The following HES6 variants were observed in gnomAD, a reference collection of about 807,000 sequenced individuals.
The protein encoded by HES6 is hes family bHLH transcription factor 6.
In HES6, 24 loss-of-function variants were observed where a neutral mutation model predicts 16.4. The ratio of observed to expected loss-of-function variants is 1.46; its 90% CI spans 1.06 to 2.06. The LOEUF is 2.06. Ranked by LOEUF, HES6 falls within the 30% of genes most tolerant of loss-of-function variation. The pLI, the probability that HES6 is intolerant of heterozygous loss-of-function variation, is 0.00. For missense variants in HES6, 355 were observed against 317.6 expected (o/e 1.12, Z -0.90); for synonymous variants, 159 against 144.3 (o/e 1.10, Z -0.73).
Position 238,240,022 on chromosome 2 carries a change from C to T in HES6, c.-117G>A. The T allele has an allele frequency of 6.0e-6, 3 of 497,940 alleles. No homozygotes were observed. The highest frequency in any genetic ancestry group is 1.9e-4 in the South Asian group (2 of 10,474). The allele number at this position is 497,940 out of a possible 1,614,324, so 30.8% of individuals were successfully genotyped here. A position where few individuals can be genotyped will look rare whatever the true frequency, so the allele number is the denominator to read the frequency against. On this transcript the variant is annotated 5_prime_UTR_variant, in exon 1 of 4. Transcript: ENST00000272937. ...GCCGCCCAGCAGCAGCCCAGCCGTC[C>T]GCGCTCCTCGCGGCTTCCGGCCCGC...
Position 238,239,133 on chromosome 2 carries a change from G to T in HES6, c.369C>A (p.Ala123=), listed in dbSNP as rs768048516. Residue 123 remains alanine (A), a synonymous_variant, in exon 4 of 4, where the codon GCC becomes GCA. Coordinates refer to ENST00000272937, the MANE Select transcript of HES6 (RefSeq NM_018645.6). The part of the protein sequence containing the change: ...TCQAIDATVA[A]ELLNHLLESM... ...ACTCGAGCAGATGGTTCAGGAGCTC[G>T]GCAGCGACGGTAGCGTCGATGGCCT... The T allele has an allele frequency of 3.1e-6, 5 of 1,612,498 alleles. No individual in the cohort carries two copies. The highest frequency in any genetic ancestry group is 4.2e-6 in the Non-Finnish European group (5 of 1,179,928).
In HES6 at chr2:238,239,604, G is replaced by A. The variant is rs756353891; in HGVS notation, c.169-36C>T. 8.6e-4 allele frequency: 1,007 copies of A among 1,171,044 alleles called. 10 individuals carry two copies. The African/African-American group carries it at 0.015, about 17-fold the overall frequency. 72.5% of individuals were successfully genotyped at this position (1,171,044 alleles called of 1,614,324 possible). On this transcript the variant is annotated intron_variant, in intron 2 of 3. Coordinates refer to ENST00000272937, the MANE Select transcript of HES6 (RefSeq NM_018645.6). ...GGGAAGGGCGGTGAGCCGGCAGCGC[G>A]CTCCCGGACCCGCCCGCCCGCCCCG...
chr2:238,238,957 C>G lies in HES6; in HGVS notation c.545G>C (p.Cys182Ser). ...PSPPGPGDDL[C>S]SDLEEAPEAE... ...CTCAGGGGCCTCCTCCAGGTCGGAG[C>G]ACAGGTCGTCCCCAGGACCCGGGGG... Residue 182 changes from cysteine to serine, a missense_variant, in exon 4 of 4, where the codon TGC (cysteine) becomes TCC (serine). Physicochemically the swap from Cys to Ser is moderately radical, Grantham distance 112. Coordinates refer to ENST00000272937, the MANE Select transcript of HES6 (RefSeq NM_018645.6). The G allele has an allele frequency of 6.2e-7, 1 of 1,602,198 alleles. No individual in the cohort carries two copies. The highest frequency in any genetic ancestry group is 2.3e-5 in the East Asian group (1 of 44,250).
rs918174046 is a variant in HES6, at chr2:238,238,529, G to T, written c.*298C>A. The stretch of plus-strand genomic sequence containing the variant: ...CCAGAGCCCGCACAGGGCTGGTGAA[G>T]CCTGGGTGGGTGAACCTGGGAGAGC... On this transcript the variant is annotated 3_prime_UTR_variant, in exon 4 of 4. Coordinates refer to ENST00000272937, the MANE Select transcript of HES6 (RefSeq NM_018645.6). The T allele has an allele frequency of 5.3e-5, 23 of 433,258 alleles. No individual in the cohort carries two copies. Among genetic ancestry groups the T allele is most frequent in the Non-Finnish European group, 9.1e-5 (22 of 242,166 alleles). 26.8% of individuals were successfully genotyped at this position (433,258 alleles called of 1,614,324 possible).
Position 238,238,754 on chromosome 2 carries a change from C to G in HES6, c.*73G>C, listed in dbSNP as rs1311247561. The stretch of plus-strand genomic sequence containing the variant: ...CTTCCAGGGCCCTACCCCACCACAT[C>G]TGAACCCCTGGGAGGAGGGAGGAGA... On this transcript the variant is annotated 3_prime_UTR_variant, in exon 4 of 4. Coordinates refer to ENST00000272937, the MANE Select transcript of HES6 (RefSeq NM_018645.6). The G allele has an allele frequency of 4.2e-6, 6 of 1,432,444 alleles. No individual in the cohort carries two copies. Among genetic ancestry groups the G allele is most frequent in the Non-Finnish European group, 4.7e-6 (5 of 1,060,532 alleles). The allele number at this position is 1,432,444 out of a possible 1,614,324, so 88.7% of individuals were successfully genotyped here.
chr2:238,239,959 G>GCGGGGACCGGAGTGC lies in HES6; in HGVS notation c.-69_-55dup. 1 of 1,125,430 alleles carries GCGGGGACCGGAGTGC rather than the reference G, an allele frequency of 8.9e-7. No homozygotes were observed. The highest frequency in any genetic ancestry group is 4.4e-5 in the South Asian group (1 of 22,714). 69.7% of individuals were successfully genotyped at this position (1,125,430 alleles called of 1,614,324 possible). A position where few individuals can be genotyped will look rare whatever the true frequency, so the allele number is the denominator to read the frequency against. On this transcript the variant is annotated 5_prime_UTR_variant, in exon 1 of 4. Transcript: ENST00000272937. ...CTAGGAGCAGCGGGGACGGGGAGCG[G>GCGGGGACCGGAGTGC]CGGGGACCGGAGTGCCGGCGCCCTC...
At position 238,238,466 on chromosome 2, in the gene HES6, A is replaced by G; in HGVS notation, c.*361T>C. ...TTTTGTTTAGCCCAGGGCTGCCTGG[A>G]ACACTAGTGCCCAGCACCATTTCTG... On this transcript the variant is annotated 3_prime_UTR_variant, in exon 4 of 4. Coordinates refer to ENST00000272937, the MANE Select transcript of HES6 (RefSeq NM_018645.6). 3.1e-6 allele frequency: 1 copy of G among 322,906 alleles called. No homozygotes were observed. Among genetic ancestry groups the G allele is most frequent in the South Asian group, 3.2e-5 (1 of 31,492 alleles). 20.0% of individuals were successfully genotyped at this position (322,906 alleles called of 1,614,324 possible).
Position 238,239,578 on chromosome 2 carries a change from C to G in HES6, c.169-10G>C. ...CCAGCTTGGCCTGCACCTGCGCGGGCGGGAAGGGCGGTGAGCCGGCAGCGC... is the reference window on the plus strand; with the variant it reads ...CCAGCTTGGCCTGCACCTGCGCGGGGGGGAAGGGCGGTGAGCCGGCAGCGC... On this transcript the variant is annotated splice_polypyrimidine_tract_variant and intron_variant, in intron 2 of 3. Transcript: ENST00000272937. The G allele has an allele frequency of 8.2e-7, 1 of 1,215,088 alleles. No homozygotes were observed. The highest frequency in any genetic ancestry group is 3.2e-5 in the South Asian group (1 of 31,698). The allele number at this position is 1,215,088 out of a possible 1,614,324, so 75.3% of individuals were successfully genotyped here. A position where few individuals can be genotyped will look rare whatever the true frequency, so the allele number is the denominator to read the frequency against.
Position 238,239,534 on chromosome 2 carries a change from T to C in HES6, c.203A>G (p.Glu68Gly). ...ACCCTGGACCCGCCGCACCGTCAGC[T>C]CCAGCACTTCGGCGTTCTCCAGCTT... ...QAKLENAEVL[E>G]LTVRRVQGVL... The change falls in exon 3 of 4, where the codon GAG (glutamate) becomes GGG (glycine). Residue 68 changes from glutamate to glycine, a missense_variant. Physicochemically the swap from Glu to Gly is moderately conservative, Grantham distance 98 (BLOSUM62 -2). Coordinates refer to ENST00000272937, the MANE Select transcript of HES6 (RefSeq NM_018645.6). The C allele has an allele frequency of 1.5e-6, 2 of 1,318,498 alleles. No homozygotes were observed. The highest frequency in any genetic ancestry group is 1.9e-6 in the Non-Finnish European group (2 of 1,032,034). The allele number at this position is 1,318,498 out of a possible 1,614,324, so 81.7% of individuals were successfully genotyped here. A position where few individuals can be genotyped will look rare whatever the true frequency, so the allele number is the denominator to read the frequency against.
chr2:238,239,503 C>T lies in HES6; in HGVS notation c.234G>A (p.Leu78=). ...GCCACTCACCGCGCGCCCGGCCCCG[C>T]AGCACACCCTGGACCCGCCGCACCG... ...ELTVRRVQGV[L]RGRAREREQL... Residue 78 remains leucine (L), a synonymous_variant, in exon 3 of 4, where the codon CTG becomes CTA. Coordinates refer to ENST00000272937, the MANE Select transcript of HES6 (RefSeq NM_018645.6). The T allele has an allele frequency of 7.6e-7, 1 of 1,311,754 alleles. No individual in the cohort carries two copies. Among genetic ancestry groups the T allele is most frequent in the Non-Finnish European group, 9.7e-7 (1 of 1,032,970 alleles). The allele number at this position is 1,311,754 out of a possible 1,614,324, so 81.3% of individuals were successfully genotyped here.
Position 238,238,912 on chromosome 2 carries a change from G to A in HES6, c.590C>T (p.Pro197Leu), listed in dbSNP as rs1208791223. ...GGGCACCAAGTCGGGCCCCTCAGCA[G>A]GAGCCTGACTCAGTTCAGCCTCAGG... is the stretch of plus-strand genomic sequence containing the variant. ...EAPEAELSQA[P>L]AEGPDLVPAA... The change falls in exon 4 of 4, where the codon CCT (proline) becomes CTT (leucine). Residue 197 changes from proline to leucine, a missense_variant. By Grantham distance (98) the Pro-to-Leu change is moderately conservative. Coordinates refer to ENST00000272937, the MANE Select transcript of HES6 (RefSeq NM_018645.6). The A allele has an allele frequency of 1.6e-5, 26 of 1,587,288 alleles. No homozygotes were observed. The highest frequency in any genetic ancestry group is 9.4e-5 in the African/African-American group (7 of 74,356).
intron 2 of HES6, 43 bp from the exon 3 acceptor site, chr2:238,239,611 G>GGGGCCCCCCCCCCC: frequency 8.8e-7 from 1 of 1,135,688 alleles, no homozygotes; most frequent in Non-Finnish European, 1.1e-6. Context: ...CGCGCTCCCG[G>GGGGCCCCCCCCCCC]ACCCGCCCGC....
rs760041482 is a variant in HES6, at chr2:238,239,246, C to G, written c.256G>C (p.Glu86Gln). Residue 86 changes from glutamate to glutamine, a missense_variant, in exon 4 of 4, where the codon GAG becomes CAG. Physicochemically the swap from Glu to Gln is conservative, Grantham distance 29. Transcript: ENST00000272937. The stretch of plus-strand genomic sequence containing the variant: ...TCGCTCGCTTCCGCCTGCAGCTGCT[C>G]GCGCTCTGGGCCCGAGGGTGGGAGG... ...GVLRGRARER[E>Q]QLQAEASERF... The G allele has an allele frequency of 6.2e-7, 1 of 1,604,858 alleles. No homozygotes were observed. Among genetic ancestry groups the G allele is most frequent in the African/African-American group, 1.3e-5 (1 of 74,882 alleles).
At chr2:238,239,606 T>TC in intron 2 of HES6, 38 bp from the exon 3 acceptor site, 1 of 1,158,102 alleles carries the variant, frequency 8.6e-7, no homozygotes, top group Non-Finnish European at 1.1e-6. Context: ...GGCAGCGCGC[T>TC]CCCGGACCCG....
In HES6 at chr2:238,239,084, T is replaced by C; in HGVS notation, c.418A>G (p.Ser140Gly). ...GCGTCCCCCAGCAGATCCTGGAAGC[T>C]GCTGCCCTCACGCAGCGGCATGGAC... ...LESMPLREGSSFQDLLGDALA... is the reference protein window; with the variant it reads ...LESMPLREGSGFQDLLGDALA... The change falls in exon 4 of 4, where the codon AGC becomes GGC. Residue 140 changes from serine to glycine, a missense_variant. By Grantham distance (56) the Ser-to-Gly change is moderately conservative. Coordinates refer to ENST00000272937, the MANE Select transcript of HES6 (RefSeq NM_018645.6). 1 of 1,612,554 alleles carries C rather than the reference T, an allele frequency of 6.2e-7. No individual in the cohort carries two copies.
chr2:238,239,438 G>A, intron 3 of HES6, 49 bp downstream of exon 3: 1 of 1,268,716 alleles, frequency 7.9e-7, no homozygotes, highest in Admixed American at 4.2e-5. Flanking sequence ...TCTGGCAGGG[G>A]TTACAGGCGC....
Position 238,238,684 on chromosome 2 carries a change from G to T in HES6, c.*143C>A. The T allele has an allele frequency of 1.2e-6, 1 of 823,596 alleles. No homozygotes were observed. Among genetic ancestry groups the T allele is most frequent in the Non-Finnish European group, 1.9e-6 (1 of 529,818 alleles). 51.0% of individuals were successfully genotyped at this position (823,596 alleles called of 1,614,324 possible). On this transcript the variant is annotated 3_prime_UTR_variant, in exon 4 of 4. Transcript: ENST00000272937. ...CTGACTGGGCTGGTTACCAGGGGCT[G>T]CCCTGCAAGCCATCCATCAGAGGAG...
Position 238,239,538 on chromosome 2 carries a change from G to A in HES6, c.199C>T (p.Leu67=). 1 of 1,318,800 alleles carries A rather than the reference G, an allele frequency of 7.6e-7. No individual in the cohort carries two copies. The highest frequency in any genetic ancestry group is 9.7e-7 in the Non-Finnish European group (1 of 1,031,230). The allele number at this position is 1,318,800 out of a possible 1,614,324, so 81.7% of individuals were successfully genotyped here. ...VQAKLENAEV[L]ELTVRRVQGV... ...TGGACCCGCCGCACCGTCAGCTCCA[G>A]CACTTCGGCGTTCTCCAGCTTGGCC... The change falls in exon 3 of 4, where the codon CTG becomes TTG. Residue 67 remains leucine (L), a synonymous_variant. Transcript: ENST00000272937.
intron 3 of HES6, 39 bp from the exon 4 acceptor site, chr2:238,239,290 G>C: frequency 1.9e-6 from 3 of 1,576,226 alleles, no homozygotes; most frequent in Non-Finnish European, 2.6e-6. Flanking sequence ...CGCGTCCCGC[G>C]CGGTGAGCGG....
Sources: gnomAD v4.1 joint callset for allele counts on GRCh38, gnomAD v4.1.1 for gene constraint, MANE v1.5 for transcripts, NCBI Gene and HGNC (gene_info 2026-07-23, HGNC 2026-07-21) for gene names.